FOXK1: variants seen among roughly 807,000 people sequenced by gnomAD.
FOXK1 encodes the protein forkhead box protein K1.
Under a neutral mutation model 51.9 loss-of-function variants are expected in FOXK1, and 19 were observed. The ratio of observed to expected loss-of-function variants is 0.37; its 90% CI spans 0.26 to 0.54. FOXK1 has a LOEUF of 0.54. Among genes scored for constraint, FOXK1 ranks in the 20% least tolerant of loss-of-function variants. The pLI is 0.87. For missense variants in FOXK1, 870 were observed against 1,032.7 expected (o/e 0.84, Z 2.16); for synonymous variants, 537 against 482.6 (o/e 1.11, Z -1.48).
In FOXK1 at chr7:4,743,243, T is replaced by C. The variant is rs1583205421; in HGVS notation, c.746+2220T>C. Among the ~76,000 whole-genome samples, 1 of 152,286 alleles carries C rather than the reference T, an allele frequency of 6.6e-6. No homozygotes were observed. The highest frequency in any genetic ancestry group is 1.9e-4 in the East Asian group (1 of 5,180). On this transcript the variant is annotated intron_variant, in intron 2 of 8. Coordinates refer to ENST00000328914, the MANE Select transcript of FOXK1 (RefSeq NM_001037165.2). This position sits in a 1 kb window ranked among gnomAD's most constrained non-coding sequence, Gnocchi z 5.3. Reference sequence around the variant, plus strand: ...TGATGGTTATTCAATTTTGTGAATATCCTAAAAGTCACTTTAAAGAGTGAA... The same window carrying C: ...TGATGGTTATTCAATTTTGTGAATACCCTAAAAGTCACTTTAAAGAGTGAA...
chr7:4,705,546 T>TCG (rs1359587049), intron 1 of FOXK1, among the ~76,000 whole-genome samples: 21 of 125,184 alleles, frequency 1.7e-4, no homozygotes, highest in African/African-American at 4.9e-4. Flanking sequence ...TCTCTCTCTC[T>TCG]CTCTCTCTCT....
intron 1 of FOXK1, among the ~76,000 whole-genome samples, chr7:4,694,012 C>G (rs1485492287): frequency 6.6e-6 from 1 of 152,084 alleles, no homozygotes; most frequent in Admixed American, 6.6e-5. Flanking sequence ...TTCTGAGTAG[C>G]TGATACTACA....
Position 4,682,496 on chromosome 7 carries a change from G to A in FOXK1, c.188G>A (p.Gly63Asp). The change falls in exon 1 of 9, where the codon GGC becomes GAC. Residue 63 changes from glycine to aspartate, a missense_variant. Coordinates refer to ENST00000328914, the MANE Select transcript of FOXK1 (RefSeq NM_001037165.2). The surrounding 1 kb of genome is among the most constrained non-coding windows in gnomAD (Gnocchi z 7.6). ...PPPPPPPLPP[G>D]AIAGAGSSGG... ...CCGCCGCCACCGCCGCTGCCTCCGG[G>A]CGCGATCGCGGGCGCGGGCTCCTCC... 3 of 1,022,530 alleles carry A rather than the reference G, an allele frequency of 2.9e-6. No homozygotes were observed. Among genetic ancestry groups the A allele is most frequent in the Non-Finnish European group, 3.5e-6 (3 of 856,268 alleles). The allele number at this position is 1,022,530 out of a possible 1,614,324, so 63.3% of individuals were successfully genotyped here. A position where few individuals can be genotyped will look rare whatever the true frequency, so the allele number is the denominator to read the frequency against.
chr7:4,750,474 G>C (rs186945820), intron 2 of FOXK1, among the ~76,000 whole-genome samples: 1 of 149,228 alleles, frequency 6.7e-6, no homozygotes, highest in Non-Finnish European at 1.5e-5. Context: ...ACAGAATCTC[G>C]CTCTGTCGCC....
At chr7:4,718,962 A>T (rs1780272381) in intron 1 of FOXK1, among the ~76,000 whole-genome samples, 1 of 151,990 alleles carries the variant, frequency 6.6e-6, no homozygotes, top group African/African-American at 2.4e-5. Flanking sequence ...GGGACCCGCC[A>T]CCACGCCCGG....
At position 4,740,828 on chromosome 7, in the gene FOXK1, C is replaced by T. The variant is rs748092885; in HGVS notation, c.561-10C>T. 1 of 1,589,574 alleles carries T rather than the reference C, an allele frequency of 6.3e-7. No homozygotes were observed. ...CCTGCACCTCACACCCGCTCCTCCT[C>T]CTGTTGCAGGTGTACCTTCCGGTTT... is the stretch of plus-strand genomic sequence containing the variant. On this transcript the variant is annotated splice_polypyrimidine_tract_variant and intron_variant, in intron 1 of 8. Transcript: ENST00000328914.
rs1011491370 is a variant in FOXK1 at position 4,763,876 on chromosome 7, C to G, written c.*1412C>G. ...TCAGCTGTCAGTTTTGCTGGCCGCT[C>G]CGGCGCTGGCTCTCCTGTCCGGGAC... On this transcript the variant is annotated 3_prime_UTR_variant, in exon 9 of 9. Transcript: ENST00000328914. 7 of 152,308 alleles carry G rather than the reference C, an allele frequency of 4.6e-5. No homozygotes were observed. The highest frequency in any genetic ancestry group is 1.2e-4 in the African/African-American group (5 of 41,468). The allele number at this position is 152,308 out of a possible 1,614,324, so 9.4% of individuals were successfully genotyped here.
At position 4,707,220 on chromosome 7, in the gene FOXK1, G is replaced by T. The variant is rs1780113140; in HGVS notation, c.560+24352G>T. ...CCAAACACTAACGGAGAGGGAAGAG[G>T]TGCGGGGAGCTCAGGGCGTTCGGGG... On this transcript the variant is annotated intron_variant, in intron 1 of 8. Transcript: ENST00000328914. The surrounding 1 kb of genome is among the most constrained non-coding windows in gnomAD (Gnocchi z 4.1). Among the ~76,000 whole-genome samples the T allele has an allele frequency of 6.6e-6, 1 of 152,188 alleles. No individual in the cohort carries two copies. Among genetic ancestry groups the T allele is most frequent in the Non-Finnish European group, 1.5e-5 (1 of 68,038 alleles).
chr7:4,738,478 TC>T (rs1780587213), intron 1 of FOXK1, among the ~76,000 whole-genome samples: 1 of 151,968 alleles, frequency 6.6e-6, no homozygotes, highest in Non-Finnish European at 1.5e-5. Context: ...GATGGAGCTT[TC>T]TAGTCAAAAT....
intron 1 of FOXK1, among the ~76,000 whole-genome samples, chr7:4,717,324 C>T (rs551047049): frequency 1.6e-3 from 150 of 95,980 alleles, no homozygotes; most frequent in Admixed American, 4.0e-3. Context: ...GCGGGAGGTG[C>T]GTGACTGGGG....
rs1780324164 is a variant in FOXK1 at position 4,722,315 on chromosome 7, C to G, written c.561-18523C>G. 6.6e-6 allele frequency among the ~76,000 whole-genome samples: 1 copy of G among 152,270 alleles called. No homozygotes were observed. The highest frequency in any genetic ancestry group is 2.4e-5 in the African/African-American group (1 of 41,470). ...TCCAAAATCTGTTGTTCTAGAAACTCTCTAAGGTTTTACCCAGATTCCCAT... is the reference window on the plus strand; with the variant it reads ...TCCAAAATCTGTTGTTCTAGAAACTGTCTAAGGTTTTACCCAGATTCCCAT... On this transcript the variant is annotated intron_variant, in intron 1 of 8. Transcript: ENST00000328914. This position sits in a 1 kb window ranked among gnomAD's most constrained non-coding sequence, Gnocchi z 5.1.
chr7:4,717,518 G>A (rs867529629), intron 1 of FOXK1, among the ~76,000 whole-genome samples: 1 of 151,246 alleles, frequency 6.6e-6, no homozygotes, highest in African/African-American at 2.4e-5. Context: ...GAGGTGCCTG[G>A]CTGGGAGGCA....
Position 4,764,699 on chromosome 7 carries a change from C to G in FOXK1, c.*2235C>G. ...TCTCTCCCGCGTGGTGACTATATGT[C>G]CTCAGGGCTGCCTGTGGCCACCCTG... On this transcript the variant is annotated 3_prime_UTR_variant, in exon 9 of 9. Coordinates refer to ENST00000328914, the MANE Select transcript of FOXK1 (RefSeq NM_001037165.2). 1 of 152,362 alleles carries G rather than the reference C, an allele frequency of 6.6e-6. No homozygotes were observed. The highest frequency in any genetic ancestry group is 1.9e-4 in the East Asian group (1 of 5,166). 9.4% of individuals were successfully genotyped at this position (152,362 alleles called of 1,614,324 possible).
intron 7 of FOXK1, 23 bp downstream of exon 7, chr7:4,759,618 C>G: frequency 6.6e-7 from 1 of 1,525,498 alleles, no homozygotes; most frequent in Non-Finnish European, 8.8e-7. Flanking sequence ...CGGCTGGCAG[C>G]CTTCGCAGGA....
rs1017379515 is a variant in FOXK1, at chr7:4,767,195, GA to G, written c.*4732del. On this transcript the variant is annotated 3_prime_UTR_variant, in exon 9 of 9. Transcript: ENST00000328914. The surrounding 1 kb of genome is among the most constrained non-coding windows in gnomAD (Gnocchi z 6.6). ...ATCCTGGGCTCCTCCTCACCCCTCT[GA>G]GAAAGCCCCCCTAAAAAAAGGCTTC... The G allele has an allele frequency of 6.6e-6, 1 of 152,228 alleles. No homozygotes were observed. Among genetic ancestry groups the G allele is most frequent in the African/African-American group, 2.4e-5 (1 of 41,442 alleles). 9.4% of individuals were successfully genotyped at this position (152,228 alleles called of 1,614,324 possible). A position where few individuals can be genotyped will look rare whatever the true frequency, so the allele number is the denominator to read the frequency against.
chr7:4,759,145 A>G lies in FOXK1; in HGVS notation c.1339A>G (p.Ile447Val). ...PECLSREGSP[I>V]PHDPEFGSKL... ...GTGCCTGTCTCGGGAGGGCTCCCCC[A>G]TTCCACACGACCCTGAGTTTGGGTC... The change falls in exon 6 of 9, where the codon ATT becomes GTT. Residue 447 changes from isoleucine to valine, a missense_variant. By Grantham distance (29) the Ile-to-Val change is conservative. Coordinates refer to ENST00000328914, the MANE Select transcript of FOXK1 (RefSeq NM_001037165.2). 1 of 1,612,400 alleles carries G rather than the reference A, an allele frequency of 6.2e-7. No homozygotes were observed. The highest frequency in any genetic ancestry group is 8.5e-7 in the Non-Finnish European group (1 of 1,179,810).
Position 4,709,340 on chromosome 7 carries a change from A to G in FOXK1, c.560+26472A>G, listed in dbSNP as rs911381156. ...AGGCCGCCTACTGTGCCTCCTTCCCAGTGTCACGTTGCTGCGTCCACGAGC... is the reference window on the plus strand; with the variant it reads ...AGGCCGCCTACTGTGCCTCCTTCCCGGTGTCACGTTGCTGCGTCCACGAGC... On this transcript the variant is annotated intron_variant, in intron 1 of 8. Coordinates refer to ENST00000328914, the MANE Select transcript of FOXK1 (RefSeq NM_001037165.2). This position sits in a 1 kb window ranked among gnomAD's most constrained non-coding sequence, Gnocchi z 5.6. Among the ~76,000 whole-genome samples, 2 of 152,118 alleles carry G rather than the reference A, an allele frequency of 1.3e-5. No individual in the cohort carries two copies. Among genetic ancestry groups the G allele is most frequent in the African/African-American group, 4.8e-5 (2 of 41,428 alleles).
At chr7:4,718,786 T>A (rs1780270244) in intron 1 of FOXK1, among the ~76,000 whole-genome samples, 1 of 152,218 alleles carries the variant, frequency 6.6e-6, no homozygotes. Flanking sequence ...TTTTAGCCAT[T>A]CTGATAGGTA....
chr7:4,688,855 C>T (rs1413592495), intron 1 of FOXK1, among the ~76,000 whole-genome samples: 1 of 152,070 alleles, frequency 6.6e-6, no homozygotes, highest in Non-Finnish European at 1.5e-5. Flanking sequence ...GCTTTTTTGC[C>T]AGAACTGCCT....
Sources: gnomAD v4.1 joint callset for allele counts (sites outside exome capture counted in the v4.1 genomes callset) on GRCh38, gnomAD v4.1.1 for gene constraint, Gnocchi (gnomAD v3.1) non-coding constraint, MANE v1.5 for transcripts, NCBI Gene and HGNC (gene_info 2026-07-23, HGNC 2026-07-21) for gene names.